Variants in CACNB4 observed in about 807,000 individuals in gnomAD.
The protein encoded by CACNB4 is voltage-dependent L-type calcium channel subunit beta-4.
CACNB4 carries 32 observed loss-of-function variants against 71.2 expected under a neutral mutation model. That is an observed-to-expected ratio of 0.45 (90% CI 0.34 to 0.60). CACNB4 has a LOEUF of 0.60. CACNB4 is among the 20% of genes least tolerant of loss of function. CACNB4 has a pLI of 0.01. For missense variants in CACNB4, 464 were observed against 647.9 expected (o/e 0.72, Z 3.08); for synonymous variants, 231 against 236.9 (o/e 0.97, Z 0.23).
At chr2:152,037,220 C>T (rs184312450) in intron 2 of CACNB4, among the ~76,000 whole-genome samples, 8 of 152,302 alleles carry the variant, frequency 5.3e-5, no homozygotes, top group Admixed American at 6.5e-5. Context: ...TAATATCCTG[C>T]TTATCTCCTT....
chr2:151,949,908 C>T (rs2099866504), intron 2 of CACNB4, among the ~76,000 whole-genome samples: 1 of 151,996 alleles, frequency 6.6e-6, no homozygotes, highest in Middle Eastern at 3.4e-3. Context: ...ATTAGCCTGG[C>T]ATGGTGGCAC....
chr2:151,863,018 A>G (rs2099842136), intron 9 of CACNB4, among the ~76,000 whole-genome samples: 1 of 151,738 alleles, frequency 6.6e-6, no homozygotes, highest in Non-Finnish European at 1.5e-5. Context: ...ATGAAGTCTC[A>G]TAGGCAGCTC....
intron 9 of CACNB4, among the ~76,000 whole-genome samples, chr2:151,864,962 G>A (rs2099842695): frequency 6.6e-6 from 1 of 152,180 alleles, no homozygotes; most frequent in South Asian, 2.1e-4. Context: ...AAATGTGGGT[G>A]AGAGAATCAG....
chr2:152,015,961 G>A (rs76270373), intron 2 of CACNB4, among the ~76,000 whole-genome samples: 3,191 of 152,210 alleles, frequency 0.021, 107 homozygotes, highest in African/African-American at 0.073. Flanking sequence ...AAAATACATC[G>A]TTTACAAAAA....
chr2:151,983,230 T>A (rs1405134546), intron 2 of CACNB4, among the ~76,000 whole-genome samples: 2 of 152,246 alleles, frequency 1.3e-5, no homozygotes, highest in Non-Finnish European at 2.9e-5. Flanking sequence ...TCAACTCTAT[T>A]GAGTTTTTGA....
Position 152,098,972 on chromosome 2 carries a change from C to T in CACNB4, c.40G>A (p.Gly14Arg), listed in dbSNP as rs573977862. 33 of 1,528,902 alleles carry T rather than the reference C, an allele frequency of 2.2e-5. No individual in the cohort carries two copies. The East Asian group carries it at 4.5e-4, about 21-fold the overall frequency. The allele number at this position is 1,528,902 out of a possible 1,614,324, so 94.7% of individuals were successfully genotyped here. A position where few individuals can be genotyped will look rare whatever the true frequency, so the allele number is the denominator to read the frequency against. The stretch of plus-strand genomic sequence containing the variant: ...ACCTGCGAGGTGGGGGAGTGCGGCC[C>T]GTCCGCGGTCCCGTTCTTGGCGTAG... ...SSYAKNGTAD[G>R]PHSPTSQVAR... The change falls in exon 1 of 14, where the codon GGG becomes AGG. Residue 14 changes from glycine (G) to arginine (R), a missense_variant. Around this residue, in one of 3 missense-constraint regions of CACNB4, gnomAD observed 50 missense variants for 47.5 expected, o/e 1.05. Transcript: ENST00000539935. This position sits in a 1 kb window ranked among gnomAD's most constrained non-coding sequence, Gnocchi z 5.3.
intron 2 of CACNB4, among the ~76,000 whole-genome samples, chr2:152,089,439 G>A (rs1472080557): frequency 1.3e-5 from 2 of 152,194 alleles, no homozygotes; most frequent in Admixed American, 6.5e-5. Context: ...ACCGGATTCA[G>A]TGGAAGTGAA....
At chr2:151,882,928 G>T in intron 3 of CACNB4, 1 of 371,814 alleles carries the variant, frequency 2.7e-6, no homozygotes, top group Non-Finnish European at 5.1e-6. Flanking sequence ...GATGAGGAGG[G>T]GCCAGGAATA....
chr2:151,860,962 A>G, intron 9 of CACNB4, 142 bp from the exon 10 acceptor site: 1 of 626,492 alleles, frequency 1.6e-6, no homozygotes. Flanking sequence ...CAAGTATTTT[A>G]AACAGGCTCT....
At chr2:151,901,889 C>T (rs1325743183) in intron 2 of CACNB4, among the ~76,000 whole-genome samples, 1 of 152,096 alleles carries the variant, frequency 6.6e-6, no homozygotes, top group Non-Finnish European at 1.5e-5. Flanking sequence ...AATTGGAATA[C>T]AATGGAATCT....
At chr2:151,995,130 A>C (rs1352035319) in intron 2 of CACNB4, among the ~76,000 whole-genome samples, 2 of 152,238 alleles carry the variant, frequency 1.3e-5, no homozygotes, top group Non-Finnish European at 2.9e-5. Flanking sequence ...GGCAAATATA[A>C]GTGCCAAAAA....
chr2:152,012,214 G>A (rs2105070141), intron 2 of CACNB4, among the ~76,000 whole-genome samples: 1 of 152,184 alleles, frequency 6.6e-6, no homozygotes, highest in South Asian at 2.1e-4. Context: ...TACTGCCCCT[G>A]AGATCCTTCC....
intron 2 of CACNB4, among the ~76,000 whole-genome samples, chr2:151,954,413 A>G (rs557818911): frequency 2.2e-4 from 33 of 152,358 alleles, no homozygotes; most frequent in African/African-American, 7.2e-4. Context: ...AAATGTCTGA[A>G]GAGCAGATTT....
chr2:151,902,098 G>A (rs1432361557), intron 2 of CACNB4, among the ~76,000 whole-genome samples: 2 of 142,864 alleles, frequency 1.4e-5, no homozygotes, highest in Non-Finnish European at 3.0e-5. Context: ...GCAGTGGCAC[G>A]ATCATAGTTC....
chr2:151,840,844 T>C (rs1481140962), intron 13 of CACNB4, among the ~76,000 whole-genome samples: 1 of 152,232 alleles, frequency 6.6e-6, no homozygotes, highest in Non-Finnish European at 1.5e-5. Context: ...CTCAATTGAC[T>C]ACATGTTCCT....
chr2:151,855,158 C>T (rs954861982), intron 11 of CACNB4, 66 bp downstream of exon 11: 5 of 1,191,126 alleles, frequency 4.2e-6, no homozygotes, highest in Non-Finnish European at 5.8e-6. Flanking sequence ...TAACAAAAAA[C>T]CACAGAGCAA....
chr2:151,975,454 T>C (rs16830538), intron 2 of CACNB4, among the ~76,000 whole-genome samples: 12,763 of 152,248 alleles, frequency 0.084, 1,781 homozygotes, highest in African/African-American at 0.29. Flanking sequence ...CAAGAAGATA[T>C]TGCTGTCCTT....
intron 2 of CACNB4, among the ~76,000 whole-genome samples, chr2:152,042,121 C>T (rs1684903698): frequency 6.6e-6 from 1 of 152,178 alleles, no homozygotes; most frequent in African/African-American, 2.4e-5. Context: ...TGCCTAGGGC[C>T]AGGTAAATGA....
At chr2:151,921,419 C>T (rs1279808898) in intron 2 of CACNB4, among the ~76,000 whole-genome samples, 5 of 152,118 alleles carry the variant, frequency 3.3e-5, no homozygotes, top group Non-Finnish European at 7.3e-5. Flanking sequence ...TATTACTTAC[C>T]TATTGCTGCT....
Sources: allele counts gnomAD v4.1 joint callset (sites outside exome capture counted in the v4.1 genomes callset), GRCh38; gene constraint gnomAD v4.1.1; regional missense constraint gnomAD v4.1.1; non-coding constraint Gnocchi (gnomAD v3.1); transcripts MANE v1.5; gene names NCBI Gene and HGNC (gene_info 2026-07-23, HGNC 2026-07-21).